Variants in KCND3 observed in about 807,000 individuals in gnomAD.
KCND3 encodes potassium voltage-gated channel subfamily D member 3.
A neutral mutation model predicts 51.1 loss-of-function variants in KCND3; 9 were observed. The observed-to-expected ratio is 0.18, with a 90% CI of 0.11 to 0.31. KCND3 has a LOEUF of 0.31. KCND3 is among the 10% of genes least tolerant of loss of function. KCND3 has a pLI of 1.00. For missense variants in KCND3, 526 were observed against 903.8 expected (o/e 0.58, Z 5.36); for synonymous variants, 349 against 368.0 (o/e 0.95, Z 0.59).
At chr1:111,831,450 C>G (rs1236949959) in intron 2 of KCND3, among the ~76,000 whole-genome samples, 1 of 152,172 alleles carries the variant, frequency 6.6e-6, no homozygotes, top group Non-Finnish European at 1.5e-5. Context: ...GTAAGAAGAG[C>G]CTGCTTCCCC....
At chr1:111,800,832 G>T (rs537105142) in intron 2 of KCND3, among the ~76,000 whole-genome samples, 1 of 152,366 alleles carries the variant, frequency 6.6e-6, no homozygotes, top group Admixed American at 6.5e-5. Flanking sequence ...CTGGCAGGTA[G>T]AAAGCCCAAG....
intron 2 of KCND3, among the ~76,000 whole-genome samples, chr1:111,950,054 G>C (rs1208382477): frequency 6.6e-6 from 1 of 152,132 alleles, no homozygotes; most frequent in African/African-American, 2.4e-5. Flanking sequence ...GGGATTACAG[G>C]TGCATGCCAC....
intron 2 of KCND3, among the ~76,000 whole-genome samples, chr1:111,925,814 G>A (rs926202929): frequency 6.6e-6 from 1 of 151,908 alleles, no homozygotes; most frequent in Non-Finnish European, 1.5e-5. Flanking sequence ...GATGTAACTC[G>A]AAAAAAGACC....
chr1:111,804,549 C>G (rs1301315812), intron 2 of KCND3, among the ~76,000 whole-genome samples: 2 of 152,212 alleles, frequency 1.3e-5, no homozygotes, highest in African/African-American at 4.8e-5. Flanking sequence ...TCCTCAGCAG[C>G]CCTGCCTGTA....
At chr1:111,895,973 G>A (rs1670090904) in intron 2 of KCND3, among the ~76,000 whole-genome samples, 1 of 152,250 alleles carries the variant, frequency 6.6e-6, no homozygotes, top group South Asian at 2.1e-4. Context: ...CATCCCCTCA[G>A]GCATGAGCAC....
At chr1:111,977,752 C>T (rs1674718956) in intron 2 of KCND3, among the ~76,000 whole-genome samples, 1 of 152,210 alleles carries the variant, frequency 6.6e-6, no homozygotes, top group Non-Finnish European at 1.5e-5. Context: ...CTGTCCGGGA[C>T]AATCATGATG....
chr1:111,802,789 A>G (rs1399498591), intron 2 of KCND3, among the ~76,000 whole-genome samples: 1 of 152,164 alleles, frequency 6.6e-6, no homozygotes, highest in Admixed American at 6.5e-5. Context: ...GGGCCTAGGG[A>G]CAATTGAATG....
intron 2 of KCND3, among the ~76,000 whole-genome samples, chr1:111,870,547 C>A (rs1668784530): frequency 6.6e-6 from 1 of 152,072 alleles, no homozygotes; most frequent in Non-Finnish European, 1.5e-5. Flanking sequence ...CATCAGGGAT[C>A]CAAGGAGGGC....
intron 2 of KCND3, among the ~76,000 whole-genome samples, chr1:111,827,677 G>A (rs1666639373): frequency 6.6e-5 from 10 of 152,208 alleles, no homozygotes; most frequent in Admixed American, 6.5e-4. Context: ...TGAGGAAACT[G>A]AGTCTTAGAG....
chr1:111,974,326 C>A (rs569943125), intron 2 of KCND3, among the ~76,000 whole-genome samples: 70 of 151,746 alleles, frequency 4.6e-4, no homozygotes, highest in Non-Finnish European at 8.2e-4. Flanking sequence ...ATACTGTGCA[C>A]TTCTTCCAAA....
At position 111,982,073 on chromosome 1, in the gene KCND3, G is replaced by A. The variant is rs1375898037; in HGVS notation, c.654C>T (p.Cys218=). 1.9e-6 allele frequency: 3 copies of A among 1,613,576 alleles called. No individual in the cohort carries two copies. Among genetic ancestry groups the A allele is most frequent in the East Asian group, 2.2e-5 (1 of 44,762 alleles). ...AGAAGGCCACCGAGTAGCGCTCCCCGCACGGCAGCTCCTTGCTGCCCGGGA... is the reference window on the plus strand; with the variant it reads ...AGAAGGCCACCGAGTAGCGCTCCCCACACGGCAGCTCCTTGCTGCCCGGGA... ...GTVPGSKELP[C]GERYSVAFFC... is the part of the protein sequence containing the mutation. Residue 218 remains cysteine, a synonymous_variant, in exon 2 of 8, where the codon TGC becomes TGT. Transcript: ENST00000302127. The surrounding 1 kb of genome is among the most constrained non-coding windows in gnomAD (Gnocchi z 8.5).
intron 2 of KCND3, among the ~76,000 whole-genome samples, chr1:111,819,490 G>C (rs1666252973): frequency 6.6e-6 from 1 of 152,120 alleles, no homozygotes; most frequent in Admixed American, 6.5e-5. Flanking sequence ...GAATTCTAAA[G>C]TAAGATCGAG....
At chr1:111,988,570 G>A (rs143853505) in intron 1 of KCND3, among the ~76,000 whole-genome samples, 12 of 152,250 alleles carry the variant, frequency 7.9e-5, no homozygotes, top group African/African-American at 2.9e-4. Context: ...ACACCCAGGA[G>A]CCCTTTCTAC....
intron 2 of KCND3, among the ~76,000 whole-genome samples, chr1:111,805,346 C>CGCCACAACCTGGAT (rs1039141009): frequency 1.5e-4 from 23 of 152,194 alleles, no homozygotes; most frequent in Non-Finnish European, 2.6e-4. Flanking sequence ...AGAGATCCAC[C>CGCCACAACCTGGAT]GCCACAACCT....
chr1:111,865,035 G>C (rs980152485), intron 2 of KCND3, among the ~76,000 whole-genome samples: 1 of 152,168 alleles, frequency 6.6e-6, no homozygotes, highest in African/African-American at 2.4e-5. Flanking sequence ...CCAGACATTC[G>C]GCAACCCAAT....
chr1:111,952,710 C>T (rs1673121980), intron 2 of KCND3, among the ~76,000 whole-genome samples: 1 of 152,160 alleles, frequency 6.6e-6, no homozygotes, highest in Non-Finnish European at 1.5e-5. Flanking sequence ...CCAGGTCATG[C>T]TTACTGCTAA....
intron 2 of KCND3, among the ~76,000 whole-genome samples, chr1:111,848,943 C>A (rs544274482): frequency 6.6e-6 from 1 of 152,268 alleles, no homozygotes; most frequent in African/African-American, 2.4e-5. Context: ...GTCTTCCAGT[C>A]TCCAGGCTGA....
chr1:111,877,994 T>G (rs988100323), intron 2 of KCND3, among the ~76,000 whole-genome samples: 3 of 151,886 alleles, frequency 2.0e-5, no homozygotes, highest in Admixed American at 6.6e-5. Flanking sequence ...CCCCATGGAG[T>G]TGGTGTGTTA....
In KCND3 at chr1:111,772,409, C is replaced by G. The variant is rs1663960407; in HGVS notation, c.*3668G>C. On this transcript the variant is annotated 3_prime_UTR_variant, in exon 8 of 8. Coordinates refer to ENST00000302127, the MANE Select transcript of KCND3 (RefSeq NM_001378969.1). ...GGTACAGTCAGGTGATTTCCAAGGG[C>G]TGTGTCCAAGTAGTATTGACATATA... The G allele has an allele frequency of 6.6e-6, 1 of 152,210 alleles. No homozygotes were observed. The highest frequency in any genetic ancestry group is 2.1e-4 in the South Asian group (1 of 4,836). The allele number at this position is 152,210 out of a possible 1,614,324, so 9.4% of individuals were successfully genotyped here.
Sources: allele counts gnomAD v4.1 joint callset (sites outside exome capture counted in the v4.1 genomes callset), GRCh38; gene constraint gnomAD v4.1.1; non-coding constraint Gnocchi (gnomAD v3.1); transcripts MANE v1.5; gene names NCBI Gene and HGNC (gene_info 2026-07-23, HGNC 2026-07-21).